The following DPP10 variants were observed in gnomAD, a reference collection of about 807,000 sequenced individuals.
DPP10 encodes inactive dipeptidyl peptidase 10.
In DPP10, 33 loss-of-function variants were observed where a neutral mutation model predicts 120.9. The ratio of observed to expected loss-of-function variants is 0.27; its 90% CI spans 0.21 to 0.37. The LOEUF (loss-of-function observed/expected upper bound fraction) is 0.37. Among genes scored for constraint, DPP10 ranks in the 10% least tolerant of loss-of-function variants. The pLI is 1.00. For missense variants in DPP10, 816 were observed against 942.8 expected, an observed-to-expected ratio of 0.87 and a Z score of 1.76; for synonymous variants, 337 against 326.1, an observed-to-expected ratio of 1.03 and a Z score of -0.36.
chr2:114,641,673 A>G (rs1573863388), intron 1 of DPP10, among the ~76,000 whole-genome samples: 1 of 152,020 alleles, frequency 6.6e-6, no homozygotes, highest in East Asian at 1.9e-4. Context: ...AACTTTTAAA[A>G]GTCCAGATAA....
intron 3 of DPP10, among the ~76,000 whole-genome samples, chr2:115,440,604 GC>G (rs1446370464): frequency 1.3e-5 from 2 of 152,196 alleles, no homozygotes; most frequent in Non-Finnish European, 2.9e-5. Context: ...CGAGGAAGGG[GC>G]TTGATTAACT....
intron 1 of DPP10, chr2:115,064,611 G>C: frequency 8.1e-7 from 1 of 1,240,114 alleles, no homozygotes; most frequent in Non-Finnish European, 1.1e-6. Flanking sequence ...CACTGACGTA[G>C]ATTCTTTGCT....
At chr2:114,491,868 A>C (rs1682032893) in intron 1 of DPP10, among the ~76,000 whole-genome samples, 1 of 152,202 alleles carries the variant, frequency 6.6e-6, no homozygotes, top group African/African-American at 2.4e-5. Flanking sequence ...AGAACTGATA[A>C]GCATGGTGGT....
intron 1 of DPP10, among the ~76,000 whole-genome samples, chr2:115,176,345 A>G (rs1378439049): frequency 6.8e-6 from 1 of 148,120 alleles, no homozygotes; most frequent in Non-Finnish European, 1.5e-5. Flanking sequence ...TATAATATTT[A>G]TATATTTATA....
At chr2:115,617,630 A>C (rs537817741) in intron 5 of DPP10, among the ~76,000 whole-genome samples, 1 of 152,080 alleles carries the variant, frequency 6.6e-6, no homozygotes, top group East Asian at 1.9e-4. Flanking sequence ...GGACATTAAC[A>C]TACTGTCCTA....
At chr2:114,491,787 G>T (rs1682026009) in intron 1 of DPP10, among the ~76,000 whole-genome samples, 1 of 152,290 alleles carries the variant, frequency 6.6e-6, no homozygotes, top group South Asian at 2.1e-4. Flanking sequence ...AATTTAATTA[G>T]ATCACCTTGG....
At chr2:115,237,388 G>A (rs1385219362) in intron 1 of DPP10, among the ~76,000 whole-genome samples, 2 of 152,040 alleles carry the variant, frequency 1.3e-5, no homozygotes, top group Non-Finnish European at 2.9e-5. Flanking sequence ...CTGCTCCACC[G>A]ACTAGCTGTT....
intron 5 of DPP10, among the ~76,000 whole-genome samples, chr2:115,600,952 T>A (rs1300869717): frequency 6.6e-6 from 1 of 152,212 alleles, no homozygotes; most frequent in Admixed American, 6.5e-5. Flanking sequence ...TGCAGTTACT[T>A]GGTTTTGAAT....
chr2:115,585,540 T>A (rs2082236552), intron 5 of DPP10, among the ~76,000 whole-genome samples: 1 of 152,086 alleles, frequency 6.6e-6, no homozygotes, highest in African/African-American at 2.4e-5. Flanking sequence ...GGTAAATAAG[T>A]TTTATCAAGT....
At chr2:114,868,280 C>G (rs1690399101) in intron 1 of DPP10, among the ~76,000 whole-genome samples, 1 of 152,196 alleles carries the variant, frequency 6.6e-6, no homozygotes, top group South Asian at 2.1e-4. Context: ...CCAGTACTCC[C>G]ATGTTCTAGT....
intron 1 of DPP10, among the ~76,000 whole-genome samples, chr2:114,632,010 A>G (rs994306066): frequency 1.7e-4 from 26 of 152,176 alleles, no homozygotes; most frequent in Non-Finnish European, 2.8e-4. Flanking sequence ...AGAATATCCC[A>G]TAATTTGTAT....
At chr2:115,781,047 T>A (rs1285041481) in intron 16 of DPP10, 52 bp downstream of exon 16, 1 of 1,434,154 alleles carries the variant, frequency 7.0e-7, no homozygotes. Context: ...TTGTATTTGG[T>A]CAATATCTGT....
At chr2:115,286,253 G>A (rs1034407193) in intron 1 of DPP10, among the ~76,000 whole-genome samples, 3 of 151,094 alleles carry the variant, frequency 2.0e-5, no homozygotes, top group African/African-American at 7.3e-5. Flanking sequence ...TGCAGTTTTT[G>A]TGCTAATATT....
chr2:115,158,960 G>C (rs2052099086), intron 1 of DPP10, among the ~76,000 whole-genome samples: 1 of 151,438 alleles, frequency 6.6e-6, no homozygotes, highest in Middle Eastern at 3.5e-3. Flanking sequence ...CCTTTTGCAA[G>C]GTAATTAACT....
chr2:114,757,124 A>G (rs566763610), intron 1 of DPP10, among the ~76,000 whole-genome samples: 1 of 141,286 alleles, frequency 7.1e-6, no homozygotes, highest in African/African-American at 2.6e-5. Flanking sequence ...GGCAGACAGA[A>G]GGGAAAAAAG....
intron 1 of DPP10, among the ~76,000 whole-genome samples, chr2:114,808,610 C>T (rs778763620): frequency 2.6e-5 from 4 of 151,102 alleles, no homozygotes; most frequent in Admixed American, 6.6e-5. Flanking sequence ...AAAATGAAAC[C>T]GTTTACCGTG....
chr2:115,069,201 T>C (rs1262238311), intron 1 of DPP10, among the ~76,000 whole-genome samples: 1 of 152,108 alleles, frequency 6.6e-6, no homozygotes, highest in African/African-American at 2.4e-5. Context: ...TTTATTTGTG[T>C]CTTCTTCAAT....
At chr2:115,479,666 A>T (rs954177646) in intron 3 of DPP10, among the ~76,000 whole-genome samples, 2 of 152,036 alleles carry the variant, frequency 1.3e-5, no homozygotes, top group African/African-American at 4.8e-5. Context: ...TAAATTTTTG[A>T]TGTGATAAAA....
chr2:114,629,514 G>A (rs943633935), intron 1 of DPP10, among the ~76,000 whole-genome samples: 1 of 152,128 alleles, frequency 6.6e-6, no homozygotes, highest in African/African-American at 2.4e-5. Flanking sequence ...TAAAATGGGT[G>A]ATAACATTTT....
Sources: gnomAD v4.1 joint callset for allele counts (sites outside exome capture counted in the v4.1 genomes callset) on GRCh38, gnomAD v4.1.1 for gene constraint, MANE v1.5 for transcripts, NCBI Gene and HGNC (gene_info 2026-07-23, HGNC 2026-07-21) for gene names.